TMC1: variants seen among roughly 807,000 people sequenced by gnomAD.
TMC1 encodes the protein transmembrane channel like 1.
TMC1 carries 84 observed loss-of-function variants against 105.8 expected under a neutral mutation model. The observed-to-expected ratio is 0.79, with a 90% CI of 0.67 to 0.95. The LOEUF (loss-of-function observed/expected upper bound fraction) is 0.95, where lower values mean the gene tolerates loss of function less well. TMC1 is among the 40% of genes least tolerant of loss of function. TMC1 has a pLI of 0.00. For synonymous variants in TMC1, 315 were observed against 311.5 expected, an observed-to-expected ratio of 1.01 and a Z score of -0.12; for missense variants, 817 against 914.1, an observed-to-expected ratio of 0.89 and a Z score of 1.37.
At chr9:72,825,550 G>T (rs1828938043) in intron 20 of TMC1, among the ~76,000 whole-genome samples, 1 of 152,180 alleles carries the variant, frequency 6.6e-6, no homozygotes, top group Admixed American at 6.5e-5. Flanking sequence ...TGCTGAGAAG[G>T]CCTTTGTGTG....
At chr9:72,547,286 CAA>C (rs36012788) in intron 1 of TMC1, among the ~76,000 whole-genome samples, 5 of 115,004 alleles carry the variant, frequency 4.3e-5, no homozygotes, top group Non-Finnish European at 3.6e-5. Flanking sequence ...GACTCCTTCT[CAA>C]AAAAAAAAAA....
chr9:72,523,054 C>T (rs545307955), intron 1 of TMC1, among the ~76,000 whole-genome samples: 4 of 152,170 alleles, frequency 2.6e-5, no homozygotes, highest in Middle Eastern at 3.2e-3. Flanking sequence ...AGTTGAAAAC[C>T]ACTGGGTTAG....
intron 2 of TMC1, among the ~76,000 whole-genome samples, chr9:72,602,785 G>A (rs1001596050): frequency 6.6e-6 from 1 of 152,108 alleles, no homozygotes; most frequent in Admixed American, 6.5e-5. Context: ...TTTCTGAGAT[G>A]AATGCTGTTC....
intron 1 of TMC1, among the ~76,000 whole-genome samples, chr9:72,523,100 C>T (rs1002005120): frequency 6.6e-6 from 1 of 152,142 alleles, no homozygotes; most frequent in African/African-American, 2.4e-5. Context: ...TCTCCATACA[C>T]CATGATAATG....
chr9:72,540,812 C>T (rs1823662546), intron 1 of TMC1, among the ~76,000 whole-genome samples: 2 of 152,160 alleles, frequency 1.3e-5, no homozygotes, highest in East Asian at 3.9e-4. Context: ...AACATGCTGG[C>T]TGTGTGACTA....
chr9:72,763,795 T>C (rs1312262762), intron 12 of TMC1, among the ~76,000 whole-genome samples: 1 of 151,876 alleles, frequency 6.6e-6, no homozygotes, highest in East Asian at 1.9e-4. Flanking sequence ...TTTTTTTTTT[T>C]TCTCAGAGCA....
At chr9:72,581,680 C>T (rs745859537) in intron 2 of TMC1, among the ~76,000 whole-genome samples, 1 of 152,204 alleles carries the variant, frequency 6.6e-6, no homozygotes, top group Non-Finnish European at 1.5e-5. Flanking sequence ...ATTGCCTTCT[C>T]ATCTCCACTG....
chr9:72,542,188 C>T (rs901788704), intron 1 of TMC1, among the ~76,000 whole-genome samples: 25 of 151,896 alleles, frequency 1.6e-4, no homozygotes, highest in South Asian at 4.2e-4. Context: ...GGGCCCGGCG[C>T]GGTGGCTCGT....
chr9:72,826,869 T>C lies in TMC1; in HGVS notation c.2004T>C (p.Ser668=). Residue 668 remains serine, a splice_region_variant and synonymous_variant, in exon 21 of 24, where the codon AGT becomes AGC. Coordinates refer to ENST00000297784, the MANE Select transcript of TMC1 (RefSeq NM_138691.3). ...LPPSFDCGPF[S]GKNRMFEVIG... Reference sequence around the variant, plus strand: ...ATCTCCCCCTTTTTAATTCCCCCAGTGGCAAAAATAGAATGTTTGAAGTCA... The same window carrying C: ...ATCTCCCCCTTTTTAATTCCCCCAGCGGCAAAAATAGAATGTTTGAAGTCA... The C allele has an allele frequency of 4.3e-6, 7 of 1,613,928 alleles. No individual in the cohort carries two copies. Among genetic ancestry groups the C allele is most frequent in the Non-Finnish European group, 5.9e-6 (7 of 1,179,820 alleles).
intron 1 of TMC1, among the ~76,000 whole-genome samples, chr9:72,528,356 C>T (rs1410529806): frequency 2.0e-5 from 3 of 147,724 alleles, no homozygotes; most frequent in Non-Finnish European, 4.5e-5. Context: ...TTTTTTGAGA[C>T]GGAGTTTCGC....
chr9:72,627,896 G>T (rs1053865419), intron 3 of TMC1, 25 bp from the exon 4 acceptor site: 8 of 378,636 alleles, frequency 2.1e-5, no homozygotes, highest in Non-Finnish European at 3.0e-5. Context: ...AATCTGTATT[G>T]GATTTTTTTT....
rs138967483 is a variant in TMC1, at chr9:72,630,889, G to A, written c.-53+2826G>A. On this transcript the variant is annotated intron_variant, in intron 4 of 23. Transcript: ENST00000297784. ...ACTTTTTTTTTTTTTTTCAATTTGAGGCAGAGTCTCACTCTGTCACCCAGG... is the reference window on the plus strand; with the variant it reads ...ACTTTTTTTTTTTTTTTCAATTTGAAGCAGAGTCTCACTCTGTCACCCAGG... 6.0e-3 allele frequency among the ~76,000 whole-genome samples: 882 copies of A among 147,040 alleles called. 9 individuals carry two copies. The highest frequency in any genetic ancestry group is 0.021 in the African/African-American group (836 of 39,790).
At chr9:72,831,824 A>T (rs1829046928) in intron 23 of TMC1, among the ~76,000 whole-genome samples, 1 of 151,748 alleles carries the variant, frequency 6.6e-6, no homozygotes, top group Non-Finnish European at 1.5e-5. Context: ...CATTTTCTTA[A>T]TCCAGTCTAT....
At chr9:72,719,789 C>T (rs1409948761) in intron 8 of TMC1, among the ~76,000 whole-genome samples, 1 of 152,278 alleles carries the variant, frequency 6.6e-6, no homozygotes, top group African/African-American at 2.4e-5. Context: ...GCCTTCAGTT[C>T]TTGTACTTTA....
chr9:72,772,453 A>C lies in TMC1; in HGVS notation c.782A>C (p.Asp261Ala), dbSNP rs1193821979. The change falls in exon 13 of 24, where the codon GAC (aspartate) becomes GCC (alanine). Residue 261 changes from aspartate to alanine, a missense_variant. Asp to Ala is a moderately radical substitution (Grantham distance 126). Transcript: ENST00000297784. Reference sequence around the variant, plus strand: ...TCCGTTCTCTTTTATGGCTATTATGACAATAAACGAACAATTGGATGGATG... The same window carrying C: ...TCCGTTCTCTTTTATGGCTATTATGCCAATAAACGAACAATTGGATGGATG... Reference protein sequence around the residue: ...QYSVLFYGYYDNKRTIGWMNF... With the variant: ...QYSVLFYGYYANKRTIGWMNF... 1.2e-6 allele frequency: 2 copies of C among 1,613,944 alleles called. No individual in the cohort carries two copies. Among genetic ancestry groups the C allele is most frequent in the Non-Finnish European group, 8.5e-7 (1 of 1,179,848 alleles).
intron 13 of TMC1, among the ~76,000 whole-genome samples, chr9:72,778,988 C>G (rs929410258): frequency 6.6e-6 from 1 of 152,224 alleles, no homozygotes. Context: ...AACACATGAG[C>G]ACAGACCCCA....
In TMC1 at chr9:72,592,147, T is replaced by C. The variant is rs559150861; in HGVS notation, c.-306+14124T>C. ...GGGTAAAGGACAACTCCAGGACTCTTACAGTTTTCTGAATTTCACAACTAA... is the reference window on the plus strand; with the variant it reads ...GGGTAAAGGACAACTCCAGGACTCTCACAGTTTTCTGAATTTCACAACTAA... On this transcript the variant is annotated intron_variant, in intron 2 of 23. Transcript: ENST00000297784. 2.0e-5 allele frequency among the ~76,000 whole-genome samples: 3 copies of C among 152,282 alleles called. No homozygotes were observed. The South Asian group carries it at 6.2e-4, about 32-fold the overall frequency.
chr9:72,649,266 C>T (rs1825763388), intron 5 of TMC1, among the ~76,000 whole-genome samples: 1 of 152,184 alleles, frequency 6.6e-6, no homozygotes, highest in Non-Finnish European at 1.5e-5. Context: ...CATGTTCATT[C>T]ATCAGTCATT....
At chr9:72,698,011 A>G (rs1396518919) in intron 7 of TMC1, among the ~76,000 whole-genome samples, 1 of 152,128 alleles carries the variant, frequency 6.6e-6, no homozygotes, top group Non-Finnish European at 1.5e-5. Context: ...TCCTAAGACA[A>G]ACTAACCCAC....
Sources: allele counts gnomAD v4.1 joint callset (sites outside exome capture counted in the v4.1 genomes callset), GRCh38; gene constraint gnomAD v4.1.1; transcripts MANE v1.5; gene names NCBI Gene and HGNC (gene_info 2026-07-23, HGNC 2026-07-21).